The following AGMO variants were observed in gnomAD, a reference collection of about 807,000 sequenced individuals.
The protein encoded by AGMO is alkylglycerol monooxygenase.
AGMO carries 75 observed loss-of-function variants against 60.2 expected under a neutral mutation model. The ratio of observed to expected loss-of-function variants is 1.25; its 90% confidence interval spans 1.03 to 1.51. The LOEUF is 1.51. AGMO is among the 40% of genes most tolerant of loss of function. The pLI is 0.00. For missense variants in AGMO, 763 were observed against 525.5 expected (o/e 1.45, Z -4.42); for synonymous variants, 261 against 177.1 (o/e 1.47, Z -3.76).
chr7:15,275,515 A>C (rs1783755815), intron 12 of AGMO, among the ~76,000 whole-genome samples: 1 of 152,146 alleles, frequency 6.6e-6, no homozygotes, highest in Non-Finnish European at 1.5e-5. Flanking sequence ...AAAAATGTAT[A>C]TTCTGTAGTT....
chr7:15,395,200 G>A (rs529309998), intron 5 of AGMO, among the ~76,000 whole-genome samples: 3 of 152,106 alleles, frequency 2.0e-5, no homozygotes, highest in Non-Finnish European at 4.4e-5. Context: ...CACTTTTAGG[G>A]TTAGCTTCCG....
intron 3 of AGMO, among the ~76,000 whole-genome samples, chr7:15,441,691 A>ACC (rs1199016360): frequency 6.6e-6 from 1 of 152,136 alleles, no homozygotes; most frequent in Non-Finnish European, 1.5e-5. Context: ...GACACAATGA[A>ACC]CTTCTACCAT....
intron 12 of AGMO, among the ~76,000 whole-genome samples, chr7:15,218,933 T>C (rs540788220): frequency 6.6e-6 from 1 of 152,278 alleles, no homozygotes; most frequent in East Asian, 1.9e-4. Context: ...GTGAATCTTA[T>C]TCAATGACTT....
intron 12 of AGMO, among the ~76,000 whole-genome samples, chr7:15,360,700 A>G (rs746795872): frequency 2.0e-5 from 3 of 151,544 alleles, no homozygotes; most frequent in Non-Finnish European, 4.4e-5. Context: ...ACTTAGTGTA[A>G]TATTTATTGA....
At position 15,466,560 on chromosome 7, in the gene AGMO, C is replaced by G. The variant is rs76377528; in HGVS notation, c.410-35452G>C. ...ACTTGCCTAGGGTTTTATAAATGGA[C>G]ATGCAGCATATAATAATTTAAGAAT... On this transcript the variant is annotated intron_variant, in intron 3 of 12. Coordinates refer to ENST00000342526, the MANE Select transcript of AGMO (RefSeq NM_001004320.2). Among the ~76,000 whole-genome samples the G allele has an allele frequency of 2.9e-4, 44 of 152,182 alleles. No individual in the cohort carries two copies. In the East Asian group the frequency reaches 8.1e-3, roughly 28 times the overall value.
chr7:15,513,925 G>A (rs1783743116), intron 3 of AGMO, among the ~76,000 whole-genome samples: 1 of 152,088 alleles, frequency 6.6e-6, no homozygotes, highest in African/African-American at 2.4e-5. Flanking sequence ...TAATTTGCTG[G>A]TTCCTCCTAT....
intron 12 of AGMO, among the ~76,000 whole-genome samples, chr7:15,270,669 C>T (rs1226816639): frequency 3.6e-4 from 25 of 69,538 alleles, no homozygotes; most frequent in Non-Finnish European, 5.6e-5. Context: ...TTAATTAAGT[C>T]CCATTTATCT....
intron 12 of AGMO, among the ~76,000 whole-genome samples, chr7:15,242,670 C>T (rs1381165696): frequency 6.6e-6 from 1 of 152,050 alleles, no homozygotes; most frequent in East Asian, 1.9e-4. Flanking sequence ...ATCAATAAAA[C>T]TGAGATAGAA....
At chr7:15,502,712 T>C (rs1474961281) in intron 3 of AGMO, among the ~76,000 whole-genome samples, 1 of 152,008 alleles carries the variant, frequency 6.6e-6, no homozygotes, top group Non-Finnish European at 1.5e-5. Flanking sequence ...AGACGCTAGG[T>C]ATGAAGAAAC....
intron 3 of AGMO, among the ~76,000 whole-genome samples, chr7:15,521,168 G>A (rs916049523): frequency 2.0e-5 from 3 of 152,116 alleles, no homozygotes; most frequent in African/African-American, 4.8e-5. Context: ...TCCCTGAATA[G>A]ACCAATAACC....
At chr7:15,201,461 AT>A in intron 12 of AGMO, 102 bp from the exon 13 acceptor site, 1 of 748,342 alleles carries the variant, frequency 1.3e-6, no homozygotes, top group Non-Finnish European at 2.1e-6. Context: ...GAACATGGAC[AT>A]TTTAGGGAGT....
intron 3 of AGMO, among the ~76,000 whole-genome samples, chr7:15,462,573 T>C (rs1015504026): frequency 3.9e-5 from 6 of 152,178 alleles, no homozygotes; most frequent in Non-Finnish European, 8.8e-5. Flanking sequence ...ATTATAGTCA[T>C]GCAGGTTGCA....
At chr7:15,354,405 TACACAC>T (rs1782403340) in intron 12 of AGMO, among the ~76,000 whole-genome samples, 3 of 35,114 alleles carry the variant, frequency 8.5e-5, no homozygotes, top group African/African-American at 3.1e-4. Context: ...CACGTGTGTG[TACACAC>T]GTGTGTGTAT....
At chr7:15,245,601 T>C (rs1782717034) in intron 12 of AGMO, among the ~76,000 whole-genome samples, 1 of 151,922 alleles carries the variant, frequency 6.6e-6, no homozygotes, top group African/African-American at 2.4e-5. Context: ...AAGACTACCA[T>C]CAGAAACCTG....
the AGMO span, among the ~76,000 whole-genome samples, chr7:15,177,321 G>C: frequency 6.6e-6 from 1 of 151,782 alleles, no homozygotes; most frequent in East Asian, 1.9e-4. Flanking sequence ...ACTTCTCTCT[G>C]GCCTTTATTT....
chr7:15,176,519 G>A, the AGMO span, among the ~76,000 whole-genome samples: 6 of 151,968 alleles, frequency 3.9e-5, no homozygotes, highest in South Asian at 1.0e-3. Flanking sequence ...CATGAGAATA[G>A]TTTTTCCCCC....
At chr7:15,393,166 C>T (rs1469776693) in intron 6 of AGMO, among the ~76,000 whole-genome samples, 4 of 152,212 alleles carry the variant, frequency 2.6e-5, no homozygotes, top group Non-Finnish European at 5.9e-5. Context: ...GAAGAGGAAA[C>T]CGCCTGTGCC....
intron 3 of AGMO, among the ~76,000 whole-genome samples, chr7:15,480,534 T>A (rs564154493): frequency 6.6e-6 from 1 of 152,100 alleles, no homozygotes; most frequent in Non-Finnish European, 1.5e-5. Flanking sequence ...CAGGATGTCA[T>A]ATTTAGGGTG....
chr7:15,361,693 G>C (rs1200166983), intron 12 of AGMO, among the ~76,000 whole-genome samples: 1 of 151,934 alleles, frequency 6.6e-6, no homozygotes, highest in Admixed American at 6.6e-5. Context: ...ATGAAGTGTG[G>C]TTATATCTTC....
Sources: allele counts gnomAD v4.1 joint callset (sites outside exome capture counted in the v4.1 genomes callset), GRCh38; gene constraint gnomAD v4.1.1; transcripts MANE v1.5; gene names NCBI Gene and HGNC (gene_info 2026-07-23, HGNC 2026-07-21).